MVB12A: variants seen among roughly 807,000 people sequenced by gnomAD.
MVB12A encodes multivesicular body subunit 12A.
Under a neutral mutation model 34.3 loss-of-function variants are expected in MVB12A, and 30 were observed. The observed-to-expected ratio is 0.88, with a 90% CI of 0.65 to 1.19. The LOEUF (loss-of-function observed/expected upper bound fraction) is 1.19. MVB12A is among the 50% of genes most tolerant of loss of function. The pLI is 0.00. For missense variants in MVB12A, 355 were observed against 369.2 expected, an observed-to-expected ratio of 0.96 and a Z score of 0.31; for synonymous variants, 158 against 158.9, an observed-to-expected ratio of 0.99 and a Z score of 0.04.
chr19:17,411,641 C>T (rs2074769988), intron 2 of MVB12A, among the ~76,000 whole-genome samples: 1 of 151,856 alleles, frequency 6.6e-6, no homozygotes, highest in Non-Finnish European at 1.5e-5. Flanking sequence ...TACAGCCACT[C>T]ACCACCATCA....
intron 2 of MVB12A, among the ~76,000 whole-genome samples, chr19:17,408,459 T>A (rs940196928): frequency 5.5e-5 from 8 of 146,002 alleles, no homozygotes; most frequent in African/African-American, 1.3e-4. Context: ...TAATTAATTT[T>A]TTTTGAGATG....
At chr19:17,410,570 A>G (rs2074761939) in intron 2 of MVB12A, among the ~76,000 whole-genome samples, 1 of 133,282 alleles carries the variant, frequency 7.5e-6, no homozygotes, top group Non-Finnish European at 1.5e-5. Context: ...ATATATACAT[A>G]TATATACATA....
At chr19:17,420,664 C>A in intron 3 of MVB12A, 30 bp downstream of exon 3, 1 of 1,522,808 alleles carries the variant, frequency 6.6e-7, no homozygotes, top group South Asian at 1.1e-5. Context: ...CGAGAGTTGT[C>A]CGGGTCCCTT....
rs747015156 is a variant in MVB12A, at chr19:17,422,333, G to A, written c.288G>A (p.Lys96=). 6.2e-7 allele frequency: 1 copy of A among 1,610,652 alleles called. No homozygotes were observed. The highest frequency in any genetic ancestry group is 1.7e-5 in the Admixed American group (1 of 59,732). ...FSPVCDPMDS[K]ASVSKKKRMC... ...CACTCCCCTACCCCCCACTCCCAGA[G>A]GCCTCTGTGTCCAAGAAGAAACGCA... The change falls in exon 4 of 9, where the codon AAG becomes AAA. Residue 96 remains lysine, a splice_region_variant and synonymous_variant. Coordinates refer to ENST00000317040, the MANE Select transcript of MVB12A (RefSeq NM_138401.4).
chr19:17,419,018 C>T (rs2074819407), upstream of MVB12A: 1 of 151,772 alleles, frequency 6.6e-6, no homozygotes, highest in Non-Finnish European at 1.5e-5. Flanking sequence ...CTGGAACAGA[C>T]GACCTCTAGT....
chr19:17,423,731 G>T lies in MVB12A; in HGVS notation c.572G>T (p.Gly191Val), dbSNP rs147706400. Residue 191 changes from glycine to valine, a missense_variant, in exon 6 of 9, where the codon GGC becomes GTC. By Grantham distance (109) the Gly-to-Val change is moderately radical (BLOSUM62 -3). Coordinates refer to ENST00000317040, the MANE Select transcript of MVB12A (RefSeq NM_138401.4). ...CTGGAGCGGACAGCGTCAAGGCTGG[G>T]CTCTCGGGCATCCACTCTGCGGAGG... ...GLLERTASRL[G>V]SRASTLRRND... 2,994 of 1,614,006 alleles carry T rather than the reference G, an allele frequency of 1.9e-3. 4 individuals are homozygous for T. Among genetic ancestry groups the T allele is most frequent in the South Asian group, 2.6e-3 (235 of 91,086 alleles).
rs574025571 is a variant in MVB12A at position 17,420,068 on chromosome 19, C to T, written c.-68C>T. 7.4e-5 allele frequency: 71 copies of T among 965,274 alleles called. No individual in the cohort carries two copies. In the East Asian group the frequency reaches 3.6e-3, roughly 49 times the overall value. The allele number at this position is 965,274 out of a possible 1,614,324, so 59.8% of individuals were successfully genotyped here. ...AGTTGTAGTTCGGTCGCGAGCGCTG[C>T]CGTCGGGAGGCGCTCCGAGGTTCGA... is the stretch of plus-strand genomic sequence containing the variant. On this transcript the variant is annotated 5_prime_UTR_variant, in exon 1 of 9. Coordinates refer to ENST00000317040, the MANE Select transcript of MVB12A (RefSeq NM_138401.4).
In MVB12A at chr19:17,420,333, G is replaced by C; in HGVS notation, c.111G>C (p.Gly37=). 1.2e-6 allele frequency: 2 copies of C among 1,611,858 alleles called. No individual in the cohort carries two copies. Among genetic ancestry groups the C allele is most frequent in the Non-Finnish European group, 1.7e-6 (2 of 1,179,160 alleles). Residue 37 remains glycine, a synonymous_variant, in exon 2 of 9, where the codon GGG becomes GGC. Transcript: ENST00000317040. ...GGTAGATCTCCTGCACCGTCGAGGGGGCACCCGCCAGCTTTGGCAAGAGCT... is the reference window on the plus strand; with the variant it reads ...GGTAGATCTCCTGCACCGTCGAGGGCGCACCCGCCAGCTTTGGCAAGAGCT... The part of the protein sequence containing the change: ...GFSAISCTVE[G]APASFGKSFA...
In MVB12A at chr19:17,425,227, G is replaced by C; in HGVS notation, c.*234G>C. 1.9e-6 allele frequency: 1 copy of C among 522,944 alleles called. No individual in the cohort carries two copies. The highest frequency in any genetic ancestry group is 3.4e-6 in the Non-Finnish European group (1 of 297,316). The allele number at this position is 522,944 out of a possible 1,614,324, so 32.4% of individuals were successfully genotyped here. On this transcript the variant is annotated 3_prime_UTR_variant, in exon 9 of 9. Transcript: ENST00000317040. ...CCCCACGCCCTGCCGGGCAGGGCTGGAGCTGGACAGAAGCCAGTGCCTTTA... is the reference window on the plus strand; with the variant it reads ...CCCCACGCCCTGCCGGGCAGGGCTGCAGCTGGACAGAAGCCAGTGCCTTTA...
At chr19:17,423,639 T>G (rs771339695) in intron 5 of MVB12A, 22 bp downstream of exon 5, 6 of 1,613,110 alleles carry the variant, frequency 3.7e-6, no homozygotes, top group Non-Finnish European at 5.1e-6. Context: ...GGCACCGGAG[T>G]GGGGGTGGCC....
At chr19:17,420,038 C>G, upstream of MVB12A, 90 of 386,938 alleles carry the variant, frequency 2.3e-4, no homozygotes, top group Middle Eastern at 8.7e-4. Flanking sequence ...GCATGGCCTT[C>G]TGGGAGTTGT....
At chr19:17,422,552 G>C in intron 4 of MVB12A, 94 bp downstream of exon 4, 1 of 1,259,278 alleles carries the variant, frequency 7.9e-7, no homozygotes, top group Non-Finnish European at 1.1e-6. Context: ...GAGGTCTCCT[G>C]TTCCTTCTTC....
In MVB12A at chr19:17,425,079, C is replaced by A; in HGVS notation, c.*86C>A. The A allele has an allele frequency of 2.1e-6, 1 of 474,362 alleles. No individual in the cohort carries two copies. Among genetic ancestry groups the A allele is most frequent in the Non-Finnish European group, 3.3e-6 (1 of 299,376 alleles). 29.4% of individuals were successfully genotyped at this position (474,362 alleles called of 1,614,324 possible). A position where few individuals can be genotyped will look rare whatever the true frequency, so the allele number is the denominator to read the frequency against. ...CCCCCCTCACTGCATCCTGGGGCCACCCCCACTCACTGCATCCTGGGAACC... is the reference window on the plus strand; with the variant it reads ...CCCCCCTCACTGCATCCTGGGGCCAACCCCACTCACTGCATCCTGGGAACC... On this transcript the variant is annotated 3_prime_UTR_variant, in exon 9 of 9. Transcript: ENST00000317040.
At position 17,410,579 on chromosome 19, in the gene MVB12A, T is replaced by C. The variant is rs11673352; in HGVS notation, c.-5+4283T>C. ...ACACATATATATACATATATATACA[T>C]ATATATATACACACATATATATATA... is the stretch of plus-strand genomic sequence containing the variant. On this transcript the variant is annotated intron_variant, in intron 2 of 6. Transcript: ENST00000528604. Among the ~76,000 whole-genome samples, 268 of 125,700 alleles carry C rather than the reference T, an allele frequency of 2.1e-3. 7 individuals carry two copies. Among genetic ancestry groups the C allele is most frequent in the African/African-American group, 8.5e-3 (237 of 27,938 alleles). The allele number at this position is 125,700 out of a possible 152,430, so 82.5% of individuals were successfully genotyped here.
chr19:17,409,964 A>G (rs1231812007), intron 2 of MVB12A, among the ~76,000 whole-genome samples: 1 of 147,318 alleles, frequency 6.8e-6, no homozygotes, highest in East Asian at 2.1e-4. Context: ...TCACCATGTT[A>G]CCCAGGCTGG....
rs769124015 is a variant in MVB12A at position 17,425,004 on chromosome 19, T to G, written c.*11T>G. The G allele has an allele frequency of 1.9e-6, 3 of 1,579,012 alleles. No individual in the cohort carries two copies. In the South Asian group the frequency reaches 3.4e-5, roughly 18 times the overall value. On this transcript the variant is annotated 3_prime_UTR_variant, in exon 9 of 9. Coordinates refer to ENST00000317040, the MANE Select transcript of MVB12A (RefSeq NM_138401.4). ...CCCAGCGTCTCATAGTCCCTCACCC[T>G]TCCGCGGAAAGAGCCCCCTTACTCC...
intron 4 of MVB12A, 199 bp downstream of exon 4, chr19:17,422,657 T>G: frequency 2.3e-6 from 1 of 442,818 alleles, no homozygotes; most frequent in East Asian, 4.0e-5. Flanking sequence ...GTGTCTAAAG[T>G]AGACATAACA....
intron 3 of MVB12A, chr19:17,420,851 C>A: frequency 1.5e-6 from 1 of 654,622 alleles, no homozygotes; most frequent in South Asian, 1.7e-5. Context: ...CCTGCATCCT[C>A]GAGTTAAGTG....
At chr19:17,412,464 A>C (rs1328584665) in intron 2 of MVB12A, among the ~76,000 whole-genome samples, 1 of 151,860 alleles carries the variant, frequency 6.6e-6, no homozygotes, top group Non-Finnish European at 1.5e-5. Context: ...ACGGGGTTTC[A>C]CCATGTTGGC....
Sources: gnomAD v4.1 joint callset for allele counts (sites outside exome capture counted in the v4.1 genomes callset) on GRCh38, gnomAD v4.1.1 for gene constraint, MANE v1.5 for transcripts, NCBI Gene and HGNC (gene_info 2026-07-23, HGNC 2026-07-21) for gene names.